The following KIAA1217 variants were observed in gnomAD, a reference collection of about 807,000 sequenced individuals.
KIAA1217 encodes sickle tail protein homolog.
KIAA1217 carries 88 observed loss-of-function variants against 163.9 expected under a neutral mutation model. The ratio of observed to expected loss-of-function variants is 0.54; its 90% CI spans 0.45 to 0.64. The LOEUF (loss-of-function observed/expected upper bound fraction) is 0.64, where lower values mean the gene tolerates loss of function less well. Among genes scored for constraint, KIAA1217 ranks in the 30% least tolerant of loss-of-function variants. KIAA1217 has a pLI of 0.00. For missense variants in KIAA1217, 2,372 were observed against 2,475.0 expected, an observed-to-expected ratio of 0.96 and a Z score of 0.88; for synonymous variants, 903 against 923.1, an observed-to-expected ratio of 0.98 and a Z score of 0.39.
intron 1 of KIAA1217, among the ~76,000 whole-genome samples, chr10:23,770,586 G>A (rs1359608529): frequency 6.6e-6 from 1 of 152,216 alleles, no homozygotes; most frequent in African/African-American, 2.4e-5. Context: ...CCCTGGAAGA[G>A]TGATTATATT....
At chr10:24,206,868 G>A (rs560846593), upstream of KIAA1217, among the ~76,000 whole-genome samples, 1 of 152,236 alleles carries the variant, frequency 6.6e-6, no homozygotes, top group East Asian at 1.9e-4. Context: ...GGCTGACCAA[G>A]GGGGTTCCTT....
chr10:24,199,405 A>G lies in KIAA1217; in HGVS notation c.-170-20221A>G, dbSNP rs372358271. ...GTCAGTATAAAGTTAATACTAATAT[A>G]AATGGTAAGAATTTGACCCAATTAC... On this transcript the variant is annotated intron_variant, in intron 2 of 18. Transcript: ENST00000376462. 4.1e-4 allele frequency among the ~76,000 whole-genome samples: 63 copies of G among 152,352 alleles called. No homozygotes were observed. The East Asian group carries it at 8.1e-3, about 20-fold the overall frequency.
At chr10:23,726,101 T>G (rs1172779662) in intron 1 of KIAA1217, among the ~76,000 whole-genome samples, 1 of 152,156 alleles carries the variant, frequency 6.6e-6, no homozygotes, top group Non-Finnish European at 1.5e-5. Context: ...TAAGGAAGTA[T>G]TTCTCTTAAT....
chr10:24,432,904 C>G, intron 3 of KIAA1217, 91 bp from the exon 4 acceptor site: 6 of 976,744 alleles, frequency 6.1e-6, no homozygotes, highest in Non-Finnish European at 4.7e-6. Flanking sequence ...CCTGAACGTT[C>G]CTAAGTGCAG....
intron 2 of KIAA1217, among the ~76,000 whole-genome samples, chr10:24,167,187 C>T (rs566328740): frequency 2.9e-5 from 2 of 69,686 alleles, no homozygotes; most frequent in Non-Finnish European, 6.6e-5. Context: ...GTTTTAGGTT[C>T]TCTCCTTTTC....
intron 2 of KIAA1217, among the ~76,000 whole-genome samples, chr10:24,232,089 G>A (rs1244655817): frequency 3.3e-5 from 5 of 152,308 alleles, no homozygotes; most frequent in African/African-American, 9.6e-5. Context: ...GCCACTGCAC[G>A]TGGCCGAGGA....
At chr10:23,970,561 T>C (rs551000307) in intron 1 of KIAA1217, among the ~76,000 whole-genome samples, 1 of 152,324 alleles carries the variant, frequency 6.6e-6, no homozygotes, top group East Asian at 1.9e-4. Flanking sequence ...GTTTTTGAAA[T>C]CTATTGCACA....
At chr10:23,931,198 T>A (rs1843238688) in intron 1 of KIAA1217, among the ~76,000 whole-genome samples, 1 of 152,146 alleles carries the variant, frequency 6.6e-6, no homozygotes, top group Non-Finnish European at 1.5e-5. Flanking sequence ...ACATGGATGT[T>A]CTTGTATAAT....
intron 1 of KIAA1217, among the ~76,000 whole-genome samples, chr10:23,700,851 T>C (rs1836398305): frequency 6.6e-6 from 1 of 152,240 alleles, no homozygotes; most frequent in Admixed American, 6.5e-5. Flanking sequence ...AGAAATTCCA[T>C]ACATTTGATT....
chr10:24,060,625 T>C (rs373561019), intron 2 of KIAA1217, among the ~76,000 whole-genome samples: 1 of 152,216 alleles, frequency 6.6e-6, no homozygotes, highest in South Asian at 2.1e-4. Context: ...CAAGACTCTG[T>C]TTCTACAAAA....
chr10:23,830,821 T>TACACACACACACACAC (rs139183459), intron 1 of KIAA1217, among the ~76,000 whole-genome samples: 6 of 147,546 alleles, frequency 4.1e-5, no homozygotes, highest in African/African-American at 9.9e-5. Flanking sequence ...GATATATGTG[T>TACACACACACACACAC]ACACACACAC....
chr10:23,825,319 ACTTT>A (rs1281248765), intron 1 of KIAA1217, among the ~76,000 whole-genome samples: 3 of 152,210 alleles, frequency 2.0e-5, no homozygotes, highest in Admixed American at 1.3e-4. Context: ...CTCAGAACAT[ACTTT>A]CTTGTATTTT....
intron 1 of KIAA1217, among the ~76,000 whole-genome samples, chr10:23,904,713 G>T (rs1842082060): frequency 6.6e-6 from 1 of 152,092 alleles, no homozygotes; most frequent in South Asian, 2.1e-4. Context: ...TTCATGGAGG[G>T]CATAGGTACA....
At chr10:23,724,419 A>G (rs934629184) in intron 1 of KIAA1217, among the ~76,000 whole-genome samples, 4 of 152,128 alleles carry the variant, frequency 2.6e-5, no homozygotes, top group African/African-American at 9.7e-5. Context: ...TCCTTCTGTG[A>G]ATTTTAAATT....
Position 24,372,701 on chromosome 10 carries a change from T to C in KIAA1217, c.355-8168T>C, listed in dbSNP as rs575416364. On this transcript the variant is annotated intron_variant, in intron 2 of 20. Coordinates refer to ENST00000376454, the MANE Select transcript of KIAA1217 (RefSeq NM_019590.5). Reference sequence around the variant, plus strand: ...CGTAATCCCACCATCAAAAGAAAACTAATGCTCGCATTTGGCTCTATTGTG... The same window carrying C: ...CGTAATCCCACCATCAAAAGAAAACCAATGCTCGCATTTGGCTCTATTGTG... Among the ~76,000 whole-genome samples, 61 of 152,278 alleles carry C rather than the reference T, an allele frequency of 4.0e-4. 1 individual carries two copies. In the South Asian group the frequency reaches 9.3e-3, roughly 23 times the overall value.
Position 24,545,054 on chromosome 10 carries a change from A to C in KIAA1217, c.5285A>C (p.Asp1762Ala). Residue 1762 changes from aspartate to alanine, a missense_variant, in exon 20 of 21, where the codon GAC becomes GCC. Physicochemically the swap from Asp to Ala is moderately radical, Grantham distance 126. Transcript: ENST00000376454. Reference protein sequence around the residue: ...MSAKNRPGTLDKPGKQSKLQD... With the variant: ...MSAKNRPGTLAKPGKQSKLQD... ...GCCAAGAACAGACCCGGAACCCTGG[A>C]CAAACCCGGCAAGCAGTCCAAACTG... The C allele has an allele frequency of 1.9e-6, 3 of 1,614,148 alleles. No homozygotes were observed. Among genetic ancestry groups the C allele is most frequent in the Non-Finnish European group, 2.5e-6 (3 of 1,180,020 alleles).
At chr10:23,805,996 C>CAAA (rs71397917) in intron 1 of KIAA1217, among the ~76,000 whole-genome samples, 10 of 30,502 alleles carry the variant, frequency 3.3e-4, no homozygotes, top group Admixed American at 9.5e-4. Context: ...AACTCCATCT[C>CAAA]AAAAAAAAAA....
At chr10:24,501,096 A>ACC (rs202240941) in intron 8 of KIAA1217, among the ~76,000 whole-genome samples, 7 of 151,460 alleles carry the variant, frequency 4.6e-5, no homozygotes, top group Non-Finnish European at 1.0e-4. Context: ...ATAAAAAAAA[A>ACC]ATAAACAAAA....
chr10:23,766,917 T>A (rs1834558021), intron 1 of KIAA1217, among the ~76,000 whole-genome samples: 1 of 152,174 alleles, frequency 6.6e-6, no homozygotes, highest in Non-Finnish European at 1.5e-5. Flanking sequence ...TATTCTTACC[T>A]CTGTTGAATC....
Sources: gnomAD v4.1 joint callset for allele counts (sites outside exome capture counted in the v4.1 genomes callset) on GRCh38, gnomAD v4.1.1 for gene constraint, MANE v1.5 for transcripts, NCBI Gene and HGNC (gene_info 2026-07-23, HGNC 2026-07-21) for gene names.